Variants in TTN observed in about 807,000 individuals in gnomAD.
The protein encoded by TTN is titin, also known as connectin.
TTN carries 1,525 observed loss-of-function variants against 3,223.0 expected under a neutral mutation model. The observed-to-expected ratio is 0.47, with a 90% confidence interval of 0.45 to 0.49. The LOEUF (loss-of-function observed/expected upper bound fraction) is 0.49, where lower values mean the gene tolerates loss of function less well. TTN is among the 20% of genes least tolerant of loss of function. The probability of loss-of-function intolerance (pLI) is 0.00; values close to 1 mark genes in which losing one functional copy is unlikely to be tolerated. For missense variants in TTN, 40,786 were observed against 43,424.0 expected, an observed-to-expected ratio of 0.94 and a Z score of 5.40; for synonymous variants, 14,094 against 15,161.0, an observed-to-expected ratio of 0.93 and a Z score of 5.17.
intron 166 of TTN, 50 bp downstream of exon 166, chr2:178,664,802 T>C (rs898374998): frequency 6.2e-7 from 1 of 1,610,096 alleles, no homozygotes. Context: ...AAAAATATTC[T>C]CAAAACTACA....
chr2:178,772,601 AAAT>A (rs2091693157), intron 33 of TTN, among the ~76,000 whole-genome samples: 1 of 152,368 alleles, frequency 6.6e-6, no homozygotes, highest in African/African-American at 2.4e-5. Flanking sequence ...AGTAGGAAGA[AAAT>A]AAAAGGCACA....
chr2:178,630,768 T>A lies in TTN; in HGVS notation c.44154+36A>T, dbSNP rs1436783919. 4 of 1,582,762 alleles carry A rather than the reference T, an allele frequency of 2.5e-6. No homozygotes were observed. In the South Asian group the frequency reaches 4.7e-5, roughly 18 times the overall value. On this transcript the variant is annotated intron_variant, in intron 238 of 362. Transcript: ENST00000589042. ...CCTGTTCTTTTCTAATTCACACAGC[T>A]CCTTTAGGTGTTGACAAGTTCAGAA...
Position 178,549,731 on chromosome 2 carries a change from CT to C in TTN, c.91990del (p.Arg30664AspfsTer6). On this transcript the variant is annotated frameshift_variant, in exon 338 of 363. Coordinates refer to ENST00000589042, the MANE Select transcript of TTN (RefSeq NM_001267550.2). LOFTEE classifies it high-confidence loss of function. The stretch of plus-strand genomic sequence containing the variant: ...ATCCTCAATTAGTGCCCAGGCAAGT[CT>C]GCTGGTTTCCCGTTTTTCAATGATG... ...HYIIEKRETS[R>X]LAWALIEDKC... 2.5e-6 allele frequency: 4 copies of C among 1,613,756 alleles called. No homozygotes were observed. The highest frequency in any genetic ancestry group is 3.4e-6 in the Non-Finnish European group (4 of 1,179,754).
In TTN at chr2:178,631,076, C is replaced by T. The variant is rs1397760858; in HGVS notation, c.43972G>A (p.Asp14658Asn). The part of the protein sequence containing the change: ...LKSDIGQYTC[D>N]CGTDKTSGKL... Reference sequence around the variant, plus strand: ...CCTGAGGTCTTATCTGTCCCACAGTCACAGGTGTACTGTCCAATATCTGAT... The same window carrying T: ...CCTGAGGTCTTATCTGTCCCACAGTTACAGGTGTACTGTCCAATATCTGAT... The change falls in exon 237 of 363, where the codon GAC becomes AAC. Residue 14658 changes from aspartate to asparagine, a missense_variant. Asp to Asn is a conservative substitution (Grantham distance 23, BLOSUM62 1). Transcript: ENST00000589042. 6.2e-7 allele frequency: 1 copy of T among 1,613,174 alleles called. No homozygotes were observed. The highest frequency in any genetic ancestry group is 1.7e-5 in the Admixed American group (1 of 59,956).
At position 178,770,522 on chromosome 2, in the gene TTN, A is replaced by C. The variant is rs1267823803; in HGVS notation, c.8270T>G (p.Val2757Gly). The C allele has an allele frequency of 6.2e-7, 1 of 1,614,106 alleles. No homozygotes were observed. The change falls in exon 35 of 363, where the codon GTC (valine) becomes GGC (glycine). Residue 2757 changes from valine (V) to glycine (G), a missense_variant. Coordinates refer to ENST00000589042, the MANE Select transcript of TTN (RefSeq NM_001267550.2). ...LESNEKYAIS[V>G]KGTIYSLRIK... is the part of the protein sequence containing the mutation. ...CCTCAGAGAGTAAATTGTTCCTTTG[A>C]CAGAGATAGCATACTTTTCATTGGA...
Position 178,688,537 on chromosome 2 carries a change from G to A in TTN, c.32197+140C>T. The A allele has an allele frequency of 1.5e-5, 10 of 681,906 alleles. No individual in the cohort carries two copies. In the South Asian group the frequency reaches 1.8e-4, roughly 13 times the overall value. The allele number at this position is 681,906 out of a possible 1,614,324, so 42.2% of individuals were successfully genotyped here. A position where few individuals can be genotyped will look rare whatever the true frequency, so the allele number is the denominator to read the frequency against. ...GACTCAGTCCCAGAAGGCTACAAAAGGTAGACACATTCTAATACCAACATA... is the reference window on the plus strand; with the variant it reads ...GACTCAGTCCCAGAAGGCTACAAAAAGTAGACACATTCTAATACCAACATA... On this transcript the variant is annotated intron_variant, in intron 126 of 362. Coordinates refer to ENST00000589042, the MANE Select transcript of TTN (RefSeq NM_001267550.2).
In TTN at chr2:178,541,540, G is replaced by A. The variant is rs1279110183; in HGVS notation, c.97537C>T (p.Arg32513Cys). 8.1e-6 allele frequency: 13 copies of A among 1,612,120 alleles called. No individual in the cohort carries two copies. The highest frequency in any genetic ancestry group is 2.7e-5 in the African/African-American group (2 of 74,854). Residue 32513 changes from arginine to cysteine, a missense_variant, in exon 350 of 363, where the codon CGT (arginine) becomes TGT (cysteine). Coordinates refer to ENST00000589042, the MANE Select transcript of TTN (RefSeq NM_001267550.2). ...PETLQIFDVS[R>C]DGMTLTWYPP... ...TACCAAGTAAGTGTCATGCCATCAC[G>A]GGAAACATCAAATATCTGTAATGTT...
rs372289212 is a variant in TTN, at chr2:178,574,258, A to C, written c.71874T>G (p.Ser23958Arg). The C allele has an allele frequency of 5.6e-6, 9 of 1,612,820 alleles. No individual in the cohort carries two copies. In the African/African-American group the frequency reaches 1.1e-4, roughly 19 times the overall value. ...GAAGGTCTCTCTTTTCAACGATATA[A>C]CTGGTAATTTTAAAGCCCCCAGTAT... ...PEYTGGFKIT[S>R]YIVEKRDLPN... The change falls in exon 326 of 363, where the codon AGT becomes AGG. Residue 23958 changes from serine (S) to arginine (R), a missense_variant. By Grantham distance (110) the Ser-to-Arg change is moderately radical (BLOSUM62 -1). Coordinates refer to ENST00000589042, the MANE Select transcript of TTN (RefSeq NM_001267550.2).
rs370890454 is a variant in TTN, at chr2:178,576,997, C to T, written c.69338G>A (p.Arg23113Gln). ...KLIQGNEYIF[R>Q]VSAVNHYGKG... ...GCCATAGTGGTTTACAGCTGAGACC[C>T]GGAAGATGTACTCATTTCCTTGGAT... The change falls in exon 324 of 363, where the codon CGG (arginine) becomes CAG (glutamine). Residue 23113 changes from arginine to glutamine, a missense_variant. Transcript: ENST00000589042. This position sits in a 1 kb window ranked among gnomAD's most constrained non-coding sequence, Gnocchi z 4.3. 366 of 1,613,314 alleles carry T rather than the reference C, an allele frequency of 2.3e-4. No individual in the cohort carries two copies. The highest frequency in any genetic ancestry group is 2.8e-4 in the Non-Finnish European group (328 of 1,179,572).
chr2:178,644,633 T>C lies in TTN; in HGVS notation c.40409-17A>G. On this transcript the variant is annotated splice_polypyrimidine_tract_variant and intron_variant, in intron 217 of 362. Transcript: ENST00000589042. ...TTGGAATAGCTTTAAAGAATATGAT[T>C]TTACTTTTGTTATTTGTATATTTAA... 6.6e-7 allele frequency: 1 copy of C among 1,515,522 alleles called. No individual in the cohort carries two copies. Among genetic ancestry groups the C allele is most frequent in the Non-Finnish European group, 8.8e-7 (1 of 1,131,246 alleles). 93.9% of individuals were successfully genotyped at this position (1,515,522 alleles called of 1,614,324 possible).
chr2:178,549,700 A>G lies in TTN; in HGVS notation c.92022T>C (p.Cys30674=). ...TAATGGCAGTGTAACTTTGGGCTTC[A>G]CATTTATCCTCAATTAGTGCCCAGG... ...RLAWALIEDK[C]EAQSYTAIKL... Residue 30674 remains cysteine, a synonymous_variant, in exon 338 of 363, where the codon TGT becomes TGC. Transcript: ENST00000589042. 1 of 1,613,776 alleles carries G rather than the reference A, an allele frequency of 6.2e-7. No individual in the cohort carries two copies. The highest frequency in any genetic ancestry group is 8.5e-7 in the Non-Finnish European group (1 of 1,179,750).
rs1285674447 is a variant in TTN, at chr2:178,527,436, T to C, written c.107680+10A>G. On this transcript the variant is annotated intron_variant, in intron 362 of 362. Coordinates refer to ENST00000589042, the MANE Select transcript of TTN (RefSeq NM_001267550.2). ...GCTTGTCTACCTCTACCAGTAATTT[T>C]ATTGCTCACCTCTTATGCCTGCTTT... The C allele has an allele frequency of 6.2e-7, 1 of 1,607,938 alleles. No individual in the cohort carries two copies. The highest frequency in any genetic ancestry group is 8.5e-7 in the Non-Finnish European group (1 of 1,175,256).
At chr2:178,594,817 A>G (rs1206817681) in intron 295 of TTN, among the ~76,000 whole-genome samples, 171 bp from the exon 296 acceptor site, 2 of 152,128 alleles carry the variant, frequency 1.3e-5, no homozygotes, top group Non-Finnish European at 2.9e-5. Context: ...AAAGGACCCA[A>G]TACAATTGAA....
At position 178,548,248 on chromosome 2, in the gene TTN, G is replaced by T; in HGVS notation, c.93378C>A (p.Ser31126Arg). The T allele has an allele frequency of 6.2e-7, 1 of 1,613,800 alleles. No individual in the cohort carries two copies. Among genetic ancestry groups the T allele is most frequent in the Non-Finnish European group, 8.5e-7 (1 of 1,179,796 alleles). Residue 31126 changes from serine to arginine, a missense_variant, in exon 339 of 363, where the codon AGC (serine) becomes AGA (arginine). Ser to Arg is a moderately radical substitution (Grantham distance 110). Coordinates refer to ENST00000589042, the MANE Select transcript of TTN (RefSeq NM_001267550.2). This position sits in a 1 kb window ranked among gnomAD's most constrained non-coding sequence, Gnocchi z 4.3. Reference sequence around the variant, plus strand: ...GCCAAGCTAAGACTGCGGAGGATTTGCTAGTATCAACAACATCAAGTCTCC... The same window carrying T: ...GCCAAGCTAAGACTGCGGAGGATTTTCTAGTATCAACAACATCAAGTCTCC... ...PPRRLDVVDT[S>R]KSSAVLAWLK... is the part of the protein sequence containing the mutation.
intron 209 of TTN, 128 bp from the exon 210 acceptor site, chr2:178,650,399 GT>G: frequency 1.0e-6 from 1 of 963,792 alleles, no homozygotes; most frequent in Non-Finnish European, 1.5e-6. Flanking sequence ...TCTTATTTTT[GT>G]TTAGATAAAA....
chr2:178,737,963 G>C (rs1438269951), intron 49 of TTN, 119 bp downstream of exon 49: 3 of 1,307,514 alleles, frequency 2.3e-6, no homozygotes, highest in African/African-American at 1.5e-5. Context: ...CCATGTTACT[G>C]TCTTGGTTGT....
chr2:178,559,287 A>T, intron 326 of TTN, 24 bp downstream of exon 326: 2 of 1,541,806 alleles, frequency 1.3e-6, no homozygotes, highest in South Asian at 2.6e-5. Flanking sequence ...GGATATGTAG[A>T]ATTTCCTTAT....
In TTN at chr2:178,689,113, C is replaced by T. The variant is rs369932282; in HGVS notation, c.32035G>A (p.Val10679Ile). 181 of 1,603,762 alleles carry T rather than the reference C, an allele frequency of 1.1e-4. No individual in the cohort carries two copies. The highest frequency in any genetic ancestry group is 3.3e-4 in the Middle Eastern group (2 of 6,006). The change falls in exon 125 of 363, where the codon GTC (valine) becomes ATC (isoleucine). Residue 10679 changes from valine to isoleucine, a missense_variant. Coordinates refer to ENST00000589042, the MANE Select transcript of TTN (RefSeq NM_001267550.2). ...GGCACTGCAACTTTCTCCTCTGGGACGGGTTTCTTAGGCAGAGCTGGCACT... is the reference window on the plus strand; with the variant it reads ...GGCACTGCAACTTTCTCCTCTGGGATGGGTTTCTTAGGCAGAGCTGGCACT... ...PKVPALPKKP[V>I]PEEKVAVPVP...
At chr2:178,642,522 C>T (rs567396509) in intron 218 of TTN, among the ~76,000 whole-genome samples, 1 of 152,062 alleles carries the variant, frequency 6.6e-6, no homozygotes, top group South Asian at 2.1e-4. Flanking sequence ...TGATGAAATT[C>T]AACTCCATTA....
Sources: allele counts gnomAD v4.1 joint callset (sites outside exome capture counted in the v4.1 genomes callset), GRCh38; gene constraint gnomAD v4.1.1; non-coding constraint Gnocchi (gnomAD v3.1); transcripts MANE v1.5; gene names NCBI Gene and HGNC (gene_info 2026-07-23, HGNC 2026-07-21).